MCTP1: variants seen among roughly 807,000 people sequenced by gnomAD.
MCTP1 encodes multiple C2 and transmembrane domain-containing protein 1.
In MCTP1, 69 loss-of-function variants were observed where a neutral mutation model predicts 120.6. That is an observed-to-expected ratio of 0.57 (90% confidence interval 0.47 to 0.70). The LOEUF is 0.70. Among genes scored for constraint, MCTP1 ranks in the 30% least tolerant of loss-of-function variants. The pLI is 0.00. For synonymous variants in MCTP1, 529 were observed against 493.1 expected (o/e 1.07, Z -0.96); for missense variants, 1,203 against 1,248.8 (o/e 0.96, Z 0.55).
rs922488628 is a variant in MCTP1 at position 95,284,140 on chromosome 5, T to C, written c.436A>G (p.Thr146Ala). 1 of 1,553,784 alleles carries C rather than the reference T, an allele frequency of 6.4e-7. No homozygotes were observed. The highest frequency in any genetic ancestry group is 1.9e-5 in the Admixed American group (1 of 51,510). Residue 146 changes from threonine (T) to alanine (A), a missense_variant, in exon 1 of 23, where the codon ACG becomes GCG. Thr to Ala is a moderately conservative substitution (Grantham distance 58). Around this residue, in one of 2 missense-constraint regions of MCTP1, gnomAD observed 463 missense variants for 377.8 expected, o/e 1.23. Transcript: ENST00000515393. This position sits in a 1 kb window ranked among gnomAD's most constrained non-coding sequence, Gnocchi z 5.2. ...PAAASGAAGG[T>A]PPGGRSPDSA... is the part of the protein sequence containing the mutation. ...TCGGGGGAGCGTCCGCCAGGAGGCGTCCCTCCCGCTGCTCCCGAGGCCGCC... is the reference window on the plus strand; with the variant it reads ...TCGGGGGAGCGTCCGCCAGGAGGCGCCCCTCCCGCTGCTCCCGAGGCCGCC...
chr5:94,822,977 C>G (rs1329864972), intron 17 of MCTP1, among the ~76,000 whole-genome samples: 1 of 152,036 alleles, frequency 6.6e-6, no homozygotes, highest in Admixed American at 6.6e-5. Context: ...AGATTGCAAA[C>G]TTTTCTCCCA....
chr5:94,868,194 C>T, intron 17 of MCTP1, 139 bp downstream of exon 17: 2 of 765,036 alleles, frequency 2.6e-6, no homozygotes, highest in Non-Finnish European at 3.7e-6. Flanking sequence ...CTGCCCACGG[C>T]AAATCTGTCC....
intron 1 of MCTP1, among the ~76,000 whole-genome samples, chr5:95,278,352 G>T (rs1395854394): frequency 1.3e-5 from 2 of 152,186 alleles, no homozygotes; most frequent in Non-Finnish European, 2.9e-5. Context: ...GTGAACAAAT[G>T]ACTTGAGAAA....
chr5:94,818,082 C>T (rs536120192), intron 17 of MCTP1, among the ~76,000 whole-genome samples: 7 of 152,192 alleles, frequency 4.6e-5, no homozygotes, highest in African/African-American at 1.7e-4. Context: ...TCTTTTTTCC[C>T]CTGAACAAAA....
At chr5:94,725,954 A>T (rs145435006) in intron 19 of MCTP1, among the ~76,000 whole-genome samples, 1,828 of 152,344 alleles carry the variant, frequency 0.012, 41 homozygotes, top group African/African-American at 0.043. Context: ...CACTTTTAAA[A>T]GTTAAATTGT....
chr5:95,254,222 G>C (rs1757656544), intron 1 of MCTP1, among the ~76,000 whole-genome samples: 1 of 152,100 alleles, frequency 6.6e-6, no homozygotes, highest in African/African-American at 2.4e-5. Context: ...TATATTGATA[G>C]GGATAATTAA....
chr5:95,250,929 A>G (rs894378394), intron 1 of MCTP1, among the ~76,000 whole-genome samples: 1 of 152,176 alleles, frequency 6.6e-6, no homozygotes, highest in Non-Finnish European at 1.5e-5. Context: ...GGACTAGTTG[A>G]TAAGAATAGC....
chr5:94,753,574 T>C (rs895557758), intron 19 of MCTP1, among the ~76,000 whole-genome samples: 4 of 152,240 alleles, frequency 2.6e-5, no homozygotes, highest in Non-Finnish European at 4.4e-5. Flanking sequence ...GGTGTGTAGT[T>C]GCTTCTGTAA....
intron 20 of MCTP1, 137 bp downstream of exon 20, chr5:94,714,638 TAA>T (rs1490452134): frequency 5.9e-6 from 4 of 678,338 alleles, no homozygotes; most frequent in Non-Finnish European, 1.1e-5. Context: ...AGAAATAAAG[TAA>T]ATAATGATGA....
intron 1 of MCTP1, among the ~76,000 whole-genome samples, chr5:95,274,458 C>G (rs1298452972): frequency 1.3e-5 from 2 of 152,136 alleles, no homozygotes; most frequent in Non-Finnish European, 2.9e-5. Flanking sequence ...CCCACCCCAA[C>G]CCATGTACTT....
At chr5:95,250,038 A>G (rs1012750940) in intron 1 of MCTP1, among the ~76,000 whole-genome samples, 1 of 152,200 alleles carries the variant, frequency 6.6e-6, no homozygotes, top group African/African-American at 2.4e-5. Flanking sequence ...GGATAGCATT[A>G]AGAGAAATAC....
rs562501410 is a variant in MCTP1 at position 94,737,762 on chromosome 5, G to C, written c.2611-22876C>G. ...GCGATCTTGGCTCACTGCAACCTTT[G>C]CCTCTGGGGCTCAAGTGATTCTCCT... On this transcript the variant is annotated intron_variant, in intron 19 of 22. Transcript: ENST00000515393. 3.9e-5 allele frequency among the ~76,000 whole-genome samples: 6 copies of C among 152,272 alleles called. No homozygotes were observed. The South Asian group carries it at 1.2e-3, about 32-fold the overall frequency.
chr5:94,977,824 C>T (rs1406358211), intron 2 of MCTP1, among the ~76,000 whole-genome samples: 1 of 151,982 alleles, frequency 6.6e-6, no homozygotes, highest in Non-Finnish European at 1.5e-5. Flanking sequence ...GGATTAAAAA[C>T]TTAAATATAA....
intron 17 of MCTP1, among the ~76,000 whole-genome samples, chr5:94,843,715 A>C (rs776223577): frequency 6.6e-6 from 1 of 152,230 alleles, no homozygotes; most frequent in Non-Finnish European, 1.5e-5. Context: ...GTCAATACTA[A>C]AGCTAAAGAC....
intron 12 of MCTP1, among the ~76,000 whole-genome samples, chr5:94,884,057 T>G (rs979906123): frequency 6.6e-6 from 1 of 152,158 alleles, no homozygotes; most frequent in African/African-American, 2.4e-5. Flanking sequence ...ATCCAAATCT[T>G]TGTATAAAAT....
chr5:94,814,237 A>G (rs1784035429), intron 17 of MCTP1, among the ~76,000 whole-genome samples: 2 of 152,216 alleles, frequency 1.3e-5, no homozygotes, highest in Non-Finnish European at 2.9e-5. Flanking sequence ...AATACACAAT[A>G]CACAAATAAA....
chr5:95,175,806 G>C (rs150710517), intron 1 of MCTP1, among the ~76,000 whole-genome samples: 1,572 of 152,230 alleles, frequency 0.01, 10 homozygotes, highest in Admixed American at 0.015. Context: ...GATGTTGCTG[G>C]CCTCCAGCAC....
intron 1 of MCTP1, among the ~76,000 whole-genome samples, chr5:95,128,239 G>A (rs1758779848): frequency 6.6e-6 from 1 of 152,214 alleles, no homozygotes; most frequent in African/African-American, 2.4e-5. Context: ...CACAAGAAGA[G>A]ATGAGAACTT....
intron 1 of MCTP1, among the ~76,000 whole-genome samples, chr5:95,173,209 A>G (rs1289685563): frequency 1.3e-5 from 2 of 152,228 alleles, no homozygotes; most frequent in African/African-American, 4.8e-5. Context: ...CCATGAGGCT[A>G]CAAGCAATTT....
Sources: gnomAD v4.1 joint callset for allele counts (sites outside exome capture counted in the v4.1 genomes callset) on GRCh38, gnomAD v4.1.1 for gene constraint, gnomAD v4.1.1 regional missense constraint, Gnocchi (gnomAD v3.1) non-coding constraint, MANE v1.5 for transcripts, NCBI Gene and HGNC (gene_info 2026-07-23, HGNC 2026-07-21) for gene names.